The following POFUT3 variants were observed in gnomAD, a reference collection of about 807,000 sequenced individuals.
POFUT3 encodes protein O-fucosyltransferase 3.
chr8:33,396,339 T>G, the POFUT3 span, among the ~76,000 whole-genome samples: 1 of 152,198 alleles, frequency 6.6e-6, no homozygotes, highest in Non-Finnish European at 1.5e-5. Context: ...TTGTAATACA[T>G]TCCCACTGTT....
chr8:33,339,958 A>G, the POFUT3 span, among the ~76,000 whole-genome samples: 4 of 152,324 alleles, frequency 2.6e-5, no homozygotes, highest in Non-Finnish European at 1.5e-5. Context: ...ATTATAAAGA[A>G]TATGCTAAGC....
At chr8:33,409,592 GT>G in the POFUT3 span, among the ~76,000 whole-genome samples, 1 of 152,192 alleles carries the variant, frequency 6.6e-6, no homozygotes, top group African/African-American at 2.4e-5. Flanking sequence ...ATTTCGTGTT[GT>G]TTTGTTGCTG....
At chr8:33,414,144 A>G in the POFUT3 span, among the ~76,000 whole-genome samples, 1 of 152,172 alleles carries the variant, frequency 6.6e-6, no homozygotes, top group African/African-American at 2.4e-5. Context: ...TCATTGAATA[A>G]CCAGGAAAGA....
chr8:33,453,284 T>A, the POFUT3 span: 1 of 1,614,070 alleles, frequency 6.2e-7, no homozygotes, highest in Non-Finnish European at 8.5e-7. Flanking sequence ...GAAACAAGCA[T>A]CTGCTCCACA....
chr8:33,439,451 T>A, the POFUT3 span, among the ~76,000 whole-genome samples: 1 of 151,948 alleles, frequency 6.6e-6, no homozygotes, highest in Non-Finnish European at 1.5e-5. Flanking sequence ...TGTTCTAATC[T>A]GTTCTCCGTG....
At chr8:33,471,237 T>TG in the POFUT3 span, among the ~76,000 whole-genome samples, 128 of 151,950 alleles carry the variant, frequency 8.4e-4, no homozygotes, top group African/African-American at 2.9e-3. Flanking sequence ...GTTTTTGTTT[T>TG]TTGTTGTTGT....
chr8:33,379,191 C>A, the POFUT3 span, among the ~76,000 whole-genome samples: 1 of 152,132 alleles, frequency 6.6e-6, no homozygotes, highest in Non-Finnish European at 1.5e-5. Context: ...CCATGCAGAA[C>A]TGTGAGTCAA....
At chr8:33,386,709 C>A in the POFUT3 span, among the ~76,000 whole-genome samples, 1 of 152,058 alleles carries the variant, frequency 6.6e-6, no homozygotes, top group Non-Finnish European at 1.5e-5. Context: ...ACTCGGGAGG[C>A]TGAAGCAGGA....
chr8:33,362,486 A>G, the POFUT3 span, among the ~76,000 whole-genome samples: 1 of 152,184 alleles, frequency 6.6e-6, no homozygotes, highest in Non-Finnish European at 1.5e-5. Flanking sequence ...AATTGGATAG[A>G]GTCAAGACCC....
the POFUT3 span, among the ~76,000 whole-genome samples, chr8:33,391,621 A>T: frequency 0.043 from 6,612 of 152,280 alleles, 308 homozygotes; most frequent in African/African-American, 0.1. Flanking sequence ...GAGGCCAATG[A>T]TAGGAACCAG....
the POFUT3 span, among the ~76,000 whole-genome samples, chr8:33,325,952 G>A: frequency 5.3e-5 from 8 of 152,194 alleles, no homozygotes; most frequent in South Asian, 4.1e-4. Flanking sequence ...AGCAATGCAC[G>A]GTTTGGTGCA....
chr8:33,444,933 CTT>C, the POFUT3 span, among the ~76,000 whole-genome samples: 15 of 121,612 alleles, frequency 1.2e-4, no homozygotes, highest in Admixed American at 2.8e-4. Context: ...TGACCTTCAT[CTT>C]TTTTTTTTTT....
At chr8:33,447,168 G>T in the POFUT3 span, among the ~76,000 whole-genome samples, 1 of 152,168 alleles carries the variant, frequency 6.6e-6, no homozygotes, top group Non-Finnish European at 1.5e-5. Flanking sequence ...GTGATTCCAG[G>T]CCGGGCGCGG....
the POFUT3 span, among the ~76,000 whole-genome samples, chr8:33,317,591 T>A: frequency 6.6e-6 from 1 of 152,176 alleles, no homozygotes; most frequent in Non-Finnish European, 1.5e-5. Context: ...CTGAAATGTA[T>A]AAGCCCTGTC....
At chr8:33,449,960 CAGGGTCTCACTCTGCCTCCCAGG>C in the POFUT3 span, among the ~76,000 whole-genome samples, 2 of 106,880 alleles carry the variant, frequency 1.9e-5, no homozygotes, top group South Asian at 5.9e-4. Flanking sequence ...TTTTTTGAGA[CAGGGTCTCACTCTGCCTCCCAGG>C]CTGGAGTGCA....
chr8:33,472,045 G>GA, the POFUT3 span, among the ~76,000 whole-genome samples: 6 of 152,290 alleles, frequency 3.9e-5, no homozygotes, highest in African/African-American at 1.4e-4. Context: ...AGACCAGGGA[G>GA]AAACCCTGCC....
chr8:33,446,150 G>A, the POFUT3 span, among the ~76,000 whole-genome samples: 1 of 152,000 alleles, frequency 6.6e-6, no homozygotes, highest in Non-Finnish European at 1.5e-5. Context: ...GTCTGAGCTG[G>A]GGAATGCAAA....
At chr8:33,351,233 GGCAC>G in the POFUT3 span, among the ~76,000 whole-genome samples, 1 of 152,198 alleles carries the variant, frequency 6.6e-6, no homozygotes, top group Non-Finnish European at 1.5e-5. Context: ...TGGGGTTACA[GGCAC>G]GAGCCACTGC....
the POFUT3 span, among the ~76,000 whole-genome samples, chr8:33,443,615 C>A: frequency 6.6e-6 from 1 of 152,168 alleles, no homozygotes; most frequent in Admixed American, 6.5e-5. Context: ...ACCTCAGCCT[C>A]CTGAGTAGCT....
Sources: allele counts gnomAD v4.1 joint callset (sites outside exome capture counted in the v4.1 genomes callset), GRCh38; gene constraint gnomAD v4.1.1; transcripts MANE v1.5; gene names NCBI Gene and HGNC (gene_info 2026-07-23, HGNC 2026-07-21).